Variants in TBC1D8 observed in about 807,000 individuals in gnomAD.
TBC1D8 encodes BUB2-like protein 1.
Under a neutral mutation model 118.8 loss-of-function variants are expected in TBC1D8, and 65 were observed. The observed-to-expected ratio is 0.55, with a 90% confidence interval of 0.45 to 0.67. TBC1D8 has a LOEUF of 0.67. Ranked by LOEUF, TBC1D8 falls within the 30% of genes least tolerant of loss-of-function variation. The pLI, the probability that TBC1D8 is intolerant of heterozygous loss-of-function variation, is 0.00. For synonymous variants in TBC1D8, 566 were observed against 595.8 expected, an observed-to-expected ratio of 0.95 and a Z score of 0.73; for missense variants, 1,376 against 1,471.2, an observed-to-expected ratio of 0.94 and a Z score of 1.06.
intron 5 of TBC1D8, among the ~76,000 whole-genome samples, chr2:101,042,357 T>A (rs918186226): frequency 1.3e-5 from 2 of 152,174 alleles, no homozygotes; most frequent in Admixed American, 1.3e-4. Context: ...GATTCTTCTC[T>A]TGCACTTTAT....
chr2:101,090,218 T>C lies in TBC1D8; in HGVS notation c.274A>G (p.Ile92Val). 6.2e-7 allele frequency: 1 copy of C among 1,613,384 alleles called. No homozygotes were observed. Among genetic ancestry groups the C allele is most frequent in the Admixed American group, 1.7e-5 (1 of 59,922 alleles). Residue 92 changes from isoleucine to valine, a missense_variant, in exon 2 of 20, where the codon ATA becomes GTA. By Grantham distance (29) the Ile-to-Val change is conservative. Transcript: ENST00000409318. Reference sequence around the variant, plus strand: ...CTGGAACAAAACTCACCAGTGGCTATGGCCCAGTAAACGTCTGATCCATTC... The same window carrying C: ...CTGGAACAAAACTCACCAGTGGCTACGGCCCAGTAAACGTCTGATCCATTC... ...LLNGSDVYWA[I>V]ATGATLEEIN...
intron 5 of TBC1D8, 73 bp from the exon 6 acceptor site, chr2:101,040,458 AC>A: frequency 7.1e-7 from 1 of 1,402,192 alleles, no homozygotes. Context: ...AAAGGAAAAT[AC>A]TTTTCCTTTT....
chr2:101,061,807 C>T (rs1379967218), intron 2 of TBC1D8, among the ~76,000 whole-genome samples: 1 of 152,188 alleles, frequency 6.6e-6, no homozygotes, highest in African/African-American at 2.4e-5. Flanking sequence ...AGGGCTCCTG[C>T]GGTGTCACAA....
intron 1 of TBC1D8, among the ~76,000 whole-genome samples, chr2:101,127,227 T>C (rs922109368): frequency 6.6e-6 from 1 of 151,856 alleles, no homozygotes; most frequent in Non-Finnish European, 1.5e-5. Context: ...TCCCAGCTAC[T>C]TGGGAGGCTG....
At position 101,123,382 on chromosome 2, in the gene TBC1D8, T is replaced by C. The variant is rs190373273; in HGVS notation, c.127+27745A>G. 2.4e-4 allele frequency among the ~76,000 whole-genome samples: 36 copies of C among 152,274 alleles called. 1 individual carries two copies. In the East Asian group the frequency reaches 6.9e-3, roughly 29 times the overall value. ...GACTTCCAGCAGTATTCAGCGGTTGTACATAGTGCAAATTAGCACTGTGGC... is the reference window on the plus strand; with the variant it reads ...GACTTCCAGCAGTATTCAGCGGTTGCACATAGTGCAAATTAGCACTGTGGC... On this transcript the variant is annotated intron_variant, in intron 1 of 19. Transcript: ENST00000409318.
chr2:101,032,695 A>G (rs1237045129), intron 10 of TBC1D8: 1 of 288,880 alleles, frequency 3.5e-6, no homozygotes, highest in Non-Finnish European at 6.6e-6. Context: ...AAGCAGACAC[A>G]CACATGCACA....
intron 2 of TBC1D8, among the ~76,000 whole-genome samples, chr2:101,082,199 C>G (rs1675309771): frequency 6.6e-6 from 1 of 152,160 alleles, no homozygotes; most frequent in Non-Finnish European, 1.5e-5. Flanking sequence ...TTGGGAATTA[C>G]CTACCAAAAA....
At chr2:101,080,463 C>A (rs958011470) in intron 2 of TBC1D8, among the ~76,000 whole-genome samples, 2 of 152,144 alleles carry the variant, frequency 1.3e-5, no homozygotes, top group East Asian at 1.9e-4. Context: ...CAATAAAATT[C>A]TCTCTCCAAA....
intron 1 of TBC1D8, among the ~76,000 whole-genome samples, chr2:101,149,703 T>G (rs1573125703): frequency 6.6e-6 from 1 of 152,152 alleles, no homozygotes; most frequent in East Asian, 1.9e-4. Context: ...CCTCTTCGCC[T>G]CTTCCCAGGG....
chr2:101,141,484 C>T (rs977592097), intron 1 of TBC1D8, among the ~76,000 whole-genome samples: 4 of 152,112 alleles, frequency 2.6e-5, no homozygotes, highest in Non-Finnish European at 4.4e-5. Flanking sequence ...CTAGACTGAA[C>T]GCTGGGTTGG....
At chr2:101,072,756 C>T (rs1175302619) in intron 2 of TBC1D8, among the ~76,000 whole-genome samples, 1 of 152,140 alleles carries the variant, frequency 6.6e-6, no homozygotes, top group Non-Finnish European at 1.5e-5. Context: ...TTGCCTGCCG[C>T]TCACCTCGTC....
chr2:101,139,141 G>A (rs1337505534), intron 1 of TBC1D8, among the ~76,000 whole-genome samples: 3 of 150,864 alleles, frequency 2.0e-5, no homozygotes, highest in East Asian at 3.9e-4. Context: ...ACATTCCTCC[G>A]GAACTGGCTC....
At chr2:101,151,080 C>A (rs1190922356) in intron 1 of TBC1D8, 47 bp downstream of exon 1, 30 of 636,784 alleles carry the variant, frequency 4.7e-5, no homozygotes, top group Non-Finnish European at 5.7e-5. Flanking sequence ...CGGCGGGGTG[C>A]GAGGCCCCGG....
At chr2:101,075,923 G>A (rs534660366) in intron 2 of TBC1D8, among the ~76,000 whole-genome samples, 4 of 152,042 alleles carry the variant, frequency 2.6e-5, no homozygotes, top group Non-Finnish European at 4.4e-5. Context: ...TTCTTTCAAC[G>A]TTTCTGTATG....
At chr2:101,079,680 G>GTTTTTT (rs35466679) in intron 2 of TBC1D8, among the ~76,000 whole-genome samples, 18 of 81,798 alleles carry the variant, frequency 2.2e-4, no homozygotes, top group Non-Finnish European at 3.3e-4. Flanking sequence ...GTCCAGTCTG[G>GTTTTTT]TTTTTTTTTT....
At chr2:101,032,947 A>C (rs1287494823) in intron 10 of TBC1D8, 1 of 186,236 alleles carries the variant, frequency 5.4e-6, no homozygotes, top group Non-Finnish European at 1.1e-5. Flanking sequence ...GGCCCTGATC[A>C]TCATCTTCCT....
chr2:101,038,762 G>C, intron 6 of TBC1D8, 107 bp from the exon 7 acceptor site: 1 of 1,241,400 alleles, frequency 8.1e-7, no homozygotes. Flanking sequence ...AATCACTGCA[G>C]AAAGGAGATG....
chr2:101,030,886 A>T (rs1053294005), intron 11 of TBC1D8, among the ~76,000 whole-genome samples: 2 of 152,252 alleles, frequency 1.3e-5, no homozygotes, highest in African/African-American at 2.4e-5. Context: ...CAGACACAAA[A>T]GACCCTGTCC....
In TBC1D8 at chr2:101,010,896, A is replaced by AGTT. The variant is rs1473785342; in HGVS notation, c.3015+32_3015+33insAAC. On this transcript the variant is annotated intron_variant, in intron 19 of 19. Coordinates refer to ENST00000409318, the MANE Select transcript of TBC1D8 (RefSeq NM_001330348.2). ...GACTCCATCTCAAAAAAAAAAAAAAAAGTTAATTCTCTGCACTGAAGAAAG... is the reference window on the plus strand; with the variant it reads ...GACTCCATCTCAAAAAAAAAAAAAAAGTTAGTTAATTCTCTGCACTGAAGAAAG... 6 of 1,562,888 alleles carry AGTT rather than the reference A, an allele frequency of 3.8e-6. No individual in the cohort carries two copies. The Admixed American group carries it at 5.4e-5, about 14-fold the overall frequency.
Sources: allele counts gnomAD v4.1 joint callset (sites outside exome capture counted in the v4.1 genomes callset), GRCh38; gene constraint gnomAD v4.1.1; transcripts MANE v1.5; gene names NCBI Gene and HGNC (gene_info 2026-07-23, HGNC 2026-07-21).